CD200: variants seen among roughly 807,000 people sequenced by gnomAD.
CD200 encodes the protein OX-2 membrane glycoprotein.
A neutral mutation model predicts 30.9 loss-of-function variants in CD200; 15 were observed. That is an observed-to-expected ratio of 0.49 (90% CI 0.32 to 0.75). The LOEUF is 0.75. Among genes scored for constraint, CD200 ranks in the 30% least tolerant of loss-of-function variants. The pLI, the probability that CD200 is intolerant of heterozygous loss-of-function variation, is 0.03. For synonymous variants in CD200, 134 were observed against 126.2 expected (o/e 1.06, Z -0.41); for missense variants, 262 against 324.2 (o/e 0.81, Z 1.47).
In CD200 at chr3:112,347,847, A is replaced by T. The variant is rs1207823077; in HGVS notation, c.694+17A>T. Reference sequence around the variant, plus strand: ...TCAACAAAGGTAAGAGAAAGTGAGCAAGGTGGCTGTGGTTGTGTCTGTGTG... The same window carrying T: ...TCAACAAAGGTAAGAGAAAGTGAGCTAGGTGGCTGTGGTTGTGTCTGTGTG... On this transcript the variant is annotated intron_variant, in intron 4 of 5. Coordinates refer to ENST00000315711, the MANE Select transcript of CD200 (RefSeq NM_005944.7). 6.2e-7 allele frequency: 1 copy of T among 1,608,180 alleles called. No homozygotes were observed. Among genetic ancestry groups the T allele is most frequent in the East Asian group, 2.2e-5 (1 of 44,840 alleles).
At chr3:112,348,330 G>A (rs561030603) in intron 4 of CD200, among the ~76,000 whole-genome samples, 11 of 152,128 alleles carry the variant, frequency 7.2e-5, no homozygotes, top group African/African-American at 2.7e-4. Context: ...TGGAAGAAGT[G>A]ACATCTGTGA....
intron 1 of CD200, among the ~76,000 whole-genome samples, chr3:112,339,046 T>G (rs1032190506): frequency 4.6e-5 from 7 of 152,198 alleles, no homozygotes; most frequent in African/African-American, 1.7e-4. Context: ...ATGAAATGCT[T>G]TATCTCAAGT....
In CD200 at chr3:112,345,168, C is replaced by T. The variant is rs1387422366; in HGVS notation, c.301C>T (p.Leu101Phe). The stretch of plus-strand genomic sequence containing the variant: ...CAAGATAAACATTACCCAGCTGGGA[C>T]TCCAAAACTCAACCATCACCTTCTG... ...KDKINITQLG[L>F]QNSTITFWNI... is the part of the protein sequence containing the mutation. Residue 101 changes from leucine to phenylalanine, a missense_variant, in exon 3 of 6, where the codon CTC becomes TTC. Physicochemically the swap from Leu to Phe is conservative, Grantham distance 22 (BLOSUM62 0). Transcript: ENST00000315711. 2 of 1,614,116 alleles carry T rather than the reference C, an allele frequency of 1.2e-6. No homozygotes were observed. The highest frequency in any genetic ancestry group is 1.7e-5 in the Admixed American group (1 of 60,014).
intron 4 of CD200, 51 bp from the exon 5 acceptor site, chr3:112,349,661 C>T (rs778439735): frequency 5.3e-6 from 8 of 1,523,244 alleles, no homozygotes; most frequent in South Asian, 1.3e-5. Context: ...TTTGCCTCAA[C>T]AATTTCCTCA....
intron 2 of CD200, among the ~76,000 whole-genome samples, chr3:112,342,305 C>T (rs866527109): frequency 2.6e-4 from 13 of 49,176 alleles, no homozygotes; most frequent in East Asian, 9.4e-4. Context: ...TTCCTTCCTT[C>T]CTTTCTTCTT....
chr3:112,347,098 C>G (rs2081413871), intron 3 of CD200, among the ~76,000 whole-genome samples: 1 of 152,352 alleles, frequency 6.6e-6, no homozygotes. Context: ...TATGGGCTCT[C>G]TGTTCCAAAA....
intron 1 of CD200, among the ~76,000 whole-genome samples, chr3:112,336,785 T>C (rs1429778945): frequency 6.6e-6 from 1 of 152,002 alleles, no homozygotes; most frequent in Non-Finnish European, 1.5e-5. Flanking sequence ...ATATTGAGGT[T>C]CTTGGGGGGC....
At chr3:112,332,630 GA>G, upstream of CD200, 8 of 194,736 alleles carry the variant, frequency 4.1e-5, no homozygotes, top group Non-Finnish European at 6.3e-5. Context: ...AAGGAGAAGG[GA>G]AAAAAGAATC....
At chr3:112,352,615 G>T (rs1356743403) in intron 5 of CD200, among the ~76,000 whole-genome samples, 1 of 152,074 alleles carries the variant, frequency 6.6e-6, no homozygotes, top group Non-Finnish European at 1.5e-5. Flanking sequence ...ATAAGTTTTT[G>T]AATTTATTGA....
intron 5 of CD200, among the ~76,000 whole-genome samples, chr3:112,360,465 C>T (rs1444262072): frequency 6.6e-6 from 1 of 152,118 alleles, no homozygotes; most frequent in Admixed American, 6.5e-5. Flanking sequence ...AATGCTTACA[C>T]TCTATGATAA....
chr3:112,344,452 C>T (rs1392103806), intron 2 of CD200, among the ~76,000 whole-genome samples: 4 of 152,202 alleles, frequency 2.6e-5, no homozygotes, highest in South Asian at 2.1e-4. Flanking sequence ...CCTATATACA[C>T]TCTTGCTTCC....
intron 1 of CD200, chr3:112,333,774 T>G (rs2081051529): frequency 1.0e-6 from 1 of 985,262 alleles, no homozygotes; most frequent in African/African-American, 1.7e-5. Context: ...GGGGAAGCCA[T>G]GAAGGATCAG....
rs2081744336 is a variant in CD200, at chr3:112,361,644, C to T, written c.*94C>T. 8.8e-7 allele frequency: 1 copy of T among 1,138,532 alleles called. No individual in the cohort carries two copies. Among genetic ancestry groups the T allele is most frequent in the East Asian group, 2.3e-5 (1 of 42,766 alleles). The allele number at this position is 1,138,532 out of a possible 1,614,324, so 70.5% of individuals were successfully genotyped here. A position where few individuals can be genotyped will look rare whatever the true frequency, so the allele number is the denominator to read the frequency against. On this transcript the variant is annotated 3_prime_UTR_variant, in exon 6 of 6. Transcript: ENST00000315711. ...GGAAAAGGGGCCATTCTCCAAAGGA[C>T]CTGAAAGAGCAAAAGAGGTGGGAGC...
At chr3:112,334,261 C>A in intron 1 of CD200, 1 of 985,330 alleles carries the variant, frequency 1.0e-6, no homozygotes, top group Non-Finnish European at 1.2e-6. Context: ...GAGGAAGAGG[C>A]ATGAATAGGG....
chr3:112,347,089 A>G (rs753287537), intron 3 of CD200, among the ~76,000 whole-genome samples: 1 of 152,184 alleles, frequency 6.6e-6, no homozygotes, highest in African/African-American at 2.4e-5. Flanking sequence ...TAGCCTTTCT[A>G]TGGGCTCTCT....
intron 1 of CD200, 68 bp from the exon 2 acceptor site, chr3:112,340,834 A>G: frequency 9.7e-7 from 1 of 1,028,616 alleles, no homozygotes; most frequent in East Asian, 2.4e-5. Flanking sequence ...AATAGCGATT[A>G]GATTGAAGCT....
intron 5 of CD200, among the ~76,000 whole-genome samples, chr3:112,360,333 A>AAAAAAATATAT (rs879786648): frequency 0.037 from 5,238 of 141,218 alleles, 262 homozygotes; most frequent in African/African-American, 0.1. Context: ...ATCTAAAAAA[A>AAAAAAATATAT]ATATATATAT....
intron 3 of CD200, 54 bp downstream of exon 3, chr3:112,345,342 G>A (rs2081359712): frequency 6.9e-7 from 1 of 1,452,474 alleles, no homozygotes; most frequent in Non-Finnish European, 9.6e-7. Context: ...TTGCAAGAAT[G>A]TTTGGAATAT....
At chr3:112,359,386 T>C (rs1033653947) in intron 5 of CD200, among the ~76,000 whole-genome samples, 1 of 152,188 alleles carries the variant, frequency 6.6e-6, no homozygotes, top group Non-Finnish European at 1.5e-5. Context: ...TTATTGGTAA[T>C]TGATAGTTCA....
Sources: gnomAD v4.1 joint callset for allele counts (sites outside exome capture counted in the v4.1 genomes callset) on GRCh38, gnomAD v4.1.1 for gene constraint, MANE v1.5 for transcripts, NCBI Gene and HGNC (gene_info 2026-07-23, HGNC 2026-07-21) for gene names.